BCL6: variants seen among roughly 807,000 people sequenced by gnomAD.
BCL6 encodes B-cell lymphoma 6 protein.
A neutral mutation model predicts 59.5 loss-of-function variants in BCL6; 7 were observed. The ratio of observed to expected loss-of-function variants is 0.12; its 90% CI spans 0.07 to 0.22. BCL6 has a LOEUF of 0.22. Ranked by LOEUF, BCL6 falls within the 10% of genes least tolerant of loss-of-function variation. The pLI is 1.00. For missense variants in BCL6, 685 were observed against 939.4 expected (o/e 0.73, Z 3.54); for synonymous variants, 339 against 349.7 (o/e 0.97, Z 0.34).
Position 187,729,215 on chromosome 3 carries a change from T to G in BCL6, c.1190A>C (p.Gln397Pro), listed in dbSNP as rs1718893292. The change falls in exon 5 of 10, where the codon CAG (glutamine) becomes CCG (proline). Residue 397 changes from glutamine (Q) to proline (P), a missense_variant. Gln to Pro is a moderately conservative substitution (Grantham distance 76). Transcript: ENST00000406870. This position sits in a 1 kb window ranked among gnomAD's most constrained non-coding sequence, Gnocchi z 5.6. The part of the protein sequence containing the change: ...NQNAKPEGPE[Q>P]AELGRLSPRA... ...TGGGGAAAGGCGGCCCAGCTCAGCCTGCTCAGGCCCCTCTGGTTTGGCATT... is the reference window on the plus strand; with the variant it reads ...TGGGGAAAGGCGGCCCAGCTCAGCCGGCTCAGGCCCCTCTGGTTTGGCATT... 6.2e-7 allele frequency: 1 copy of G among 1,613,966 alleles called. No individual in the cohort carries two copies.
intron 1 of BCL6, among the ~76,000 whole-genome samples, chr3:187,740,965 G>T (rs1227073984): frequency 6.6e-6 from 1 of 152,162 alleles, no homozygotes; most frequent in African/African-American, 2.4e-5. Flanking sequence ...ATCTGGTCAG[G>T]GTACCGCCGC....
chr3:187,745,137 A>T (rs191733932), intron 1 of BCL6, among the ~76,000 whole-genome samples: 4 of 152,224 alleles, frequency 2.6e-5, no homozygotes, highest in South Asian at 2.1e-4. Context: ...AATAATAAAT[A>T]CATAACAATC....
At chr3:187,733,787 T>C (rs910170207) in intron 2 of BCL6, 84 bp from the exon 3 acceptor site, 4 of 1,461,900 alleles carry the variant, frequency 2.7e-6, no homozygotes, top group African/African-American at 1.4e-5. Flanking sequence ...TGGCTTAGCC[T>C]GCTAAGGTAC....
At chr3:187,727,465 A>G (rs1473649742) in intron 6 of BCL6, among the ~76,000 whole-genome samples, 1 of 152,238 alleles carries the variant, frequency 6.6e-6, no homozygotes, top group Non-Finnish European at 1.5e-5. Flanking sequence ...GGAGGAATCA[A>G]TGACGAACAC....
Position 187,732,440 on chromosome 3 carries a change from C to T in BCL6, c.162-510G>A, listed in dbSNP as rs566308554. 2.3e-5 allele frequency: 8 copies of T among 343,074 alleles called. No homozygotes were observed. In the East Asian group the frequency reaches 7.4e-4, roughly 32 times the overall value. 21.3% of individuals were successfully genotyped at this position (343,074 alleles called of 1,614,324 possible). On this transcript the variant is annotated intron_variant, in intron 3 of 9. Transcript: ENST00000406870. The stretch of plus-strand genomic sequence containing the variant: ...ATACTCTACTGCTTTTATCAAAGTC[C>T]ATAGATTAACAGAGGGTCTGTTATT...
chr3:187,731,019 G>A (rs1050797470), intron 4 of BCL6, among the ~76,000 whole-genome samples: 1 of 152,150 alleles, frequency 6.6e-6, no homozygotes, highest in Admixed American at 6.5e-5. Context: ...GGATCAAAAG[G>A]TTCTAAAGAA....
At position 187,724,998 on chromosome 3, in the gene BCL6, C is replaced by T; in HGVS notation, c.1920G>A (p.Arg640=). 3 of 1,614,196 alleles carry T rather than the reference C, an allele frequency of 1.9e-6. No individual in the cohort carries two copies. The highest frequency in any genetic ancestry group is 2.2e-5 in the South Asian group (2 of 91,086). Residue 640 remains arginine (R), a synonymous_variant, in exon 9 of 10, where the codon CGG becomes CGA. Transcript: ENST00000406870. ...YPCEICGTRF[R]HLQTLKSHLR... ...GGTGGCTCTTCAGAGTCTGAAGGTG[C>T]CGGAAACGGGTGCCACAGATTTCAC...
Position 187,722,224 on chromosome 3 carries a change from T to C in BCL6, c.*234A>G, listed in dbSNP as rs906935251. 8.6e-6 allele frequency: 4 copies of C among 465,624 alleles called. No homozygotes were observed. The highest frequency in any genetic ancestry group is 7.4e-6 in the Non-Finnish European group (2 of 270,654). 28.8% of individuals were successfully genotyped at this position (465,624 alleles called of 1,614,324 possible). On this transcript the variant is annotated 3_prime_UTR_variant, in exon 10 of 10. Coordinates refer to ENST00000406870, the MANE Select transcript of BCL6 (RefSeq NM_001706.5). ...TTGCTGACATGGTTCACCTTACACA[T>C]AGGAGAAGAAGCAATATGATTTTCT...
intron 1 of BCL6, among the ~76,000 whole-genome samples, chr3:187,738,856 G>C (rs780334077): frequency 2.6e-5 from 4 of 152,184 alleles, no homozygotes; most frequent in Non-Finnish European, 5.9e-5. Flanking sequence ...GGATAAAGGT[G>C]AAAGAGACGG....
chr3:187,729,965 C>T lies in BCL6; in HGVS notation c.440G>A (p.Arg147Gln), dbSNP rs760727857. 12 of 1,607,678 alleles carry T rather than the reference C, an allele frequency of 7.5e-6. No individual in the cohort carries two copies. In the South Asian group the frequency reaches 7.8e-5, roughly 10 times the overall value. ...CATGATGTCTTGGGGCATCAGCATC[C>T]GGCTGTTGAGGAACTCTTCACGAGG... ...KPPREEFLNS[R>Q]MLMPQDIMAY... Residue 147 changes from arginine (R) to glutamine (Q), a missense_variant, in exon 5 of 10, where the codon CGG (arginine) becomes CAG (glutamine). This residue lies in a region of BCL6 where 268 missense variants were observed against 263.8 expected (regional missense o/e 1.02). Coordinates refer to ENST00000406870, the MANE Select transcript of BCL6 (RefSeq NM_001706.5). This position sits in a 1 kb window ranked among gnomAD's most constrained non-coding sequence, Gnocchi z 5.6.
chr3:187,723,134 T>G (rs1344804726), intron 9 of BCL6, among the ~76,000 whole-genome samples: 1 of 152,198 alleles, frequency 6.6e-6, no homozygotes, highest in African/African-American at 2.4e-5. Context: ...TGAACACATC[T>G]GGACAAATGG....
In BCL6 at chr3:187,745,444, C is replaced by G. The variant is rs982258660; in HGVS notation, c.-84G>C. On this transcript the variant is annotated 5_prime_UTR_variant, in exon 1 of 10. Transcript: ENST00000406870. Reference sequence around the variant, plus strand: ...GGCCTTTCCTAGAAACTTCTTGCATCACCACTTCTAAGAACCCCAGTTCTA... The same window carrying G: ...GGCCTTTCCTAGAAACTTCTTGCATGACCACTTCTAAGAACCCCAGTTCTA... 2 of 399,558 alleles carry G rather than the reference C, an allele frequency of 5.0e-6. No individual in the cohort carries two copies. Among genetic ancestry groups the G allele is most frequent in the African/African-American group, 4.1e-5 (2 of 48,616 alleles). The allele number at this position is 399,558 out of a possible 1,614,324, so 24.8% of individuals were successfully genotyped here.
In BCL6 at chr3:187,724,925, C is replaced by T. The variant is rs374762310; in HGVS notation, c.1977+16G>A. ...ATCCCCGCAGGTCAGAGAGCGGCCT[C>T]AAGAGGCTTACGTACATGGTAAGGT... On this transcript the variant is annotated intron_variant, in intron 9 of 9. Transcript: ENST00000406870. The T allele has an allele frequency of 6.1e-5, 99 of 1,610,798 alleles. No homozygotes were observed. The highest frequency in any genetic ancestry group is 7.8e-5 in the Non-Finnish European group (92 of 1,178,778).
At chr3:187,739,034 C>A (rs976916613) in intron 1 of BCL6, among the ~76,000 whole-genome samples, 10 of 152,118 alleles carry the variant, frequency 6.6e-5, no homozygotes, top group African/African-American at 2.2e-4. Context: ...ACCGTCAACC[C>A]CTTTCTCGCC....
chr3:187,738,544 C>A (rs560644947), intron 1 of BCL6, among the ~76,000 whole-genome samples: 144 of 152,342 alleles, frequency 9.5e-4, no homozygotes, highest in African/African-American at 3.4e-3. Flanking sequence ...CCGACCCCTG[C>A]GCGCGCACTG....
At chr3:187,738,967 C>A (rs3172468) in intron 1 of BCL6, among the ~76,000 whole-genome samples, 4 of 152,096 alleles carry the variant, frequency 2.6e-5, no homozygotes, top group South Asian at 2.1e-4. Context: ...GAGCTCAAAC[C>A]GAATGGTGTT....
rs767886518 is a variant in BCL6, at chr3:187,729,448, G to T, written c.957C>A (p.Pro319=). ...EDEIALHFEP[P]NAPLNRKGLV... ...GACCCTTCCGGTTCAGGGGTGCATT[G>T]GGGGGCTCGAAATGCAGGGCAATCT... The change falls in exon 5 of 10, where the codon CCC becomes CCA. Residue 319 remains proline (P), a synonymous_variant. Coordinates refer to ENST00000406870, the MANE Select transcript of BCL6 (RefSeq NM_001706.5). This position sits in a 1 kb window ranked among gnomAD's most constrained non-coding sequence, Gnocchi z 5.6. 15 of 1,609,664 alleles carry T rather than the reference G, an allele frequency of 9.3e-6. No homozygotes were observed. In the Admixed American group the frequency reaches 1.3e-4, roughly 14 times the overall value.
intron 2 of BCL6, chr3:187,734,433 T>C (rs541195766): frequency 6.5e-6 from 1 of 152,732 alleles, no homozygotes; most frequent in South Asian, 2.1e-4. Flanking sequence ...GGGCTTTGGT[T>C]TCCCCAAATG....
rs1031901566 is a variant in BCL6, at chr3:187,722,281, T to C, written c.*177A>G. On this transcript the variant is annotated 3_prime_UTR_variant, in exon 10 of 10. Coordinates refer to ENST00000406870, the MANE Select transcript of BCL6 (RefSeq NM_001706.5). Reference sequence around the variant, plus strand: ...TTTATGGCAGTGGGGGAGGGGGAGCTGCTGCGGCTCCCAGTCCCCCAGGCC... The same window carrying C: ...TTTATGGCAGTGGGGGAGGGGGAGCCGCTGCGGCTCCCAGTCCCCCAGGCC... 3 of 639,448 alleles carry C rather than the reference T, an allele frequency of 4.7e-6. No individual in the cohort carries two copies. Among genetic ancestry groups the C allele is most frequent in the African/African-American group, 1.9e-5 (1 of 52,618 alleles). 39.6% of individuals were successfully genotyped at this position (639,448 alleles called of 1,614,324 possible). A position where few individuals can be genotyped will look rare whatever the true frequency, so the allele number is the denominator to read the frequency against.
Sources: gnomAD v4.1 joint callset for allele counts (sites outside exome capture counted in the v4.1 genomes callset) on GRCh38, gnomAD v4.1.1 for gene constraint, gnomAD v4.1.1 regional missense constraint, Gnocchi (gnomAD v3.1) non-coding constraint, MANE v1.5 for transcripts, NCBI Gene and HGNC (gene_info 2026-07-23, HGNC 2026-07-21) for gene names.